RBFOX2: variants seen among roughly 807,000 people sequenced by gnomAD.
RBFOX2 encodes RNA binding protein fox-1 homolog 2.
In RBFOX2, 10 loss-of-function variants were observed where a neutral mutation model predicts 49.1. That is an observed-to-expected ratio of 0.20 (90% CI 0.13 to 0.35). The LOEUF is 0.35. Among genes scored for constraint, RBFOX2 ranks in the 10% least tolerant of loss-of-function variants. The pLI, the probability that RBFOX2 is intolerant of heterozygous loss-of-function variation, is 1.00. For synonymous variants in RBFOX2, 183 were observed against 187.4 expected (o/e 0.98, Z 0.19); for missense variants, 323 against 486.9 (o/e 0.66, Z 3.17).
intron 1 of RBFOX2, among the ~76,000 whole-genome samples, chr22:35,960,326 A>G (rs544125064): frequency 6.6e-6 from 1 of 152,172 alleles, no homozygotes; most frequent in Non-Finnish European, 1.5e-5. Flanking sequence ...GAGGAAGCCA[A>G]CGCACCAAGA....
intron 1 of RBFOX2, among the ~76,000 whole-genome samples, chr22:35,913,505 G>C (rs5995177): frequency 2.0e-5 from 3 of 148,110 alleles, no homozygotes; most frequent in Non-Finnish European, 3.0e-5. Flanking sequence ...GTGTGTGTGT[G>C]TATACATATA....
At chr22:35,958,668 A>G (rs1039383147) in intron 1 of RBFOX2, among the ~76,000 whole-genome samples, 1 of 152,226 alleles carries the variant, frequency 6.6e-6, no homozygotes, top group African/African-American at 2.4e-5. Flanking sequence ...TGATCTTCTG[A>G]TAATTACCAC....
intron 1 of RBFOX2, among the ~76,000 whole-genome samples, chr22:35,846,513 C>T (rs1169495951): frequency 1.3e-5 from 2 of 151,360 alleles, no homozygotes; most frequent in Non-Finnish European, 1.5e-5. Flanking sequence ...TTTGGGAGGC[C>T]GAGGAGGTGG....
intron 6 of RBFOX2, among the ~76,000 whole-genome samples, chr22:35,764,409 C>T (rs565497117): frequency 6.6e-6 from 1 of 151,846 alleles, no homozygotes; most frequent in African/African-American, 2.4e-5. Context: ...ACGGTGAAAC[C>T]CCATCTCTAC....
At chr22:35,977,618 T>C (rs2057236777) in intron 1 of RBFOX2, among the ~76,000 whole-genome samples, 1 of 151,278 alleles carries the variant, frequency 6.6e-6, no homozygotes. Flanking sequence ...TTTTATATCT[T>C]GATTGTGGTA....
chr22:35,921,588 T>C (rs142182330), intron 1 of RBFOX2, among the ~76,000 whole-genome samples: 53 of 152,294 alleles, frequency 3.5e-4, no homozygotes, highest in Non-Finnish European at 6.6e-4. Context: ...GGATACTGAA[T>C]TAAATTAGAA....
intron 1 of RBFOX2, among the ~76,000 whole-genome samples, chr22:35,980,998 A>T (rs984616184): frequency 1.3e-5 from 2 of 152,194 alleles, no homozygotes; most frequent in African/African-American, 4.8e-5. Flanking sequence ...GTAAAAAAGC[A>T]CAGAGGAGAA....
rs527520919 is a variant in RBFOX2 at position 35,925,297 on chromosome 22, T to C, written c.-34+13550A>G. ...ACTTTGGGAGCCTGAGGCAAGAGGA[T>C]TGCTTGAGCTCAGGAATTCAAAACC... On this transcript the variant is annotated intron_variant, in intron 1 of 13. Coordinates refer to the RBFOX2 transcript ENST00000359369. Among the ~76,000 whole-genome samples, 22 of 152,152 alleles carry C rather than the reference T, an allele frequency of 1.4e-4. 1 individual carries two copies. The highest frequency in any genetic ancestry group is 3.4e-4 in the African/African-American group (14 of 41,522).
intron 9 of RBFOX2, chr22:35,747,903 A>C (rs559449645): frequency 6.6e-6 from 1 of 152,282 alleles, no homozygotes; most frequent in East Asian, 1.9e-4. Flanking sequence ...GAAATTTCAA[A>C]TTTACTTCTG....
At chr22:35,842,365 A>G (rs1825441984), upstream of RBFOX2, among the ~76,000 whole-genome samples, 1 of 152,210 alleles carries the variant, frequency 6.6e-6, no homozygotes. Context: ...CTTATTTAAC[A>G]CTTTTTAGAA....
At chr22:36,025,611 T>C (rs1351041299) in intron 1 of RBFOX2, among the ~76,000 whole-genome samples, 3 of 152,230 alleles carry the variant, frequency 2.0e-5, no homozygotes, top group Admixed American at 6.5e-5. Context: ...TATATTCATG[T>C]AATACTCTCA....
chr22:35,962,476 G>T (rs1199215541), upstream of RBFOX2, among the ~76,000 whole-genome samples: 5 of 152,198 alleles, frequency 3.3e-5, no homozygotes, highest in Non-Finnish European at 7.4e-5. Context: ...TGAATCAAGA[G>T]TAAGTTGGCA....
intron 9 of RBFOX2, among the ~76,000 whole-genome samples, chr22:35,750,242 T>A (rs1934393817): frequency 6.6e-6 from 1 of 152,106 alleles, no homozygotes; most frequent in African/African-American, 2.4e-5. Context: ...GAGTGAGATG[T>A]TAACATTTCT....
At chr22:36,027,615 C>T (rs868359513) in intron 1 of RBFOX2, among the ~76,000 whole-genome samples, 9 of 152,166 alleles carry the variant, frequency 5.9e-5, no homozygotes, top group Admixed American at 1.3e-4. Flanking sequence ...CTAGTGTCTC[C>T]CTTCAGACTC....
intron 1 of RBFOX2, among the ~76,000 whole-genome samples, chr22:35,876,701 A>AACACATAC (rs1556293837): frequency 1.2e-4 from 17 of 140,458 alleles, no homozygotes; most frequent in African/African-American, 4.2e-4. Context: ...CATTAAAAGA[A>AACACATAC]ACACACACAC....
intron 4 of RBFOX2, among the ~76,000 whole-genome samples, chr22:35,777,383 G>A (rs929922822): frequency 2.6e-5 from 4 of 152,084 alleles, no homozygotes; most frequent in Non-Finnish European, 4.4e-5. Flanking sequence ...AAATACACAC[G>A]TAAAAGTACA....
At chr22:35,809,880 G>A (rs762208217) in exon 2 of RBFOX2, 1 of 1,614,058 alleles carries the variant, frequency 6.2e-7, no homozygotes, top group Middle Eastern at 1.6e-4. Flanking sequence ...GGTCTGGCCG[G>A]CATAGTCTTG....
chr22:35,976,942 C>T (rs576337356), intron 1 of RBFOX2, among the ~76,000 whole-genome samples: 274 of 144,822 alleles, frequency 1.9e-3, no homozygotes, highest in Non-Finnish European at 2.9e-3. Flanking sequence ...CCAGCCTGGG[C>T]GACAGACCGA....
chr22:35,931,805 G>T (rs1211771363), intron 1 of RBFOX2, among the ~76,000 whole-genome samples: 2 of 152,102 alleles, frequency 1.3e-5, no homozygotes, highest in Non-Finnish European at 2.9e-5. Flanking sequence ...TTTCTTTAAG[G>T]TTGCATTTTT....
Sources: allele counts gnomAD v4.1 joint callset (sites outside exome capture counted in the v4.1 genomes callset), GRCh38; gene constraint gnomAD v4.1.1; transcripts MANE v1.5; gene names NCBI Gene and HGNC (gene_info 2026-07-23, HGNC 2026-07-21).